IL10RA: variants seen among roughly 807,000 people sequenced by gnomAD.
IL10RA encodes the protein interleukin 10 receptor subunit alpha.
Under a neutral mutation model 29.6 loss-of-function variants are expected in IL10RA, and 18 were observed. The observed-to-expected ratio is 0.61, with a 90% confidence interval of 0.42 to 0.90. IL10RA has a LOEUF of 0.90. IL10RA is among the 40% of genes least tolerant of loss of function. The pLI is 0.00. For missense variants in IL10RA, 634 were observed against 716.6 expected (o/e 0.88, Z 1.32); for synonymous variants, 292 against 294.1 (o/e 0.99, Z 0.07).
Position 117,999,715 on chromosome 11 carries a change from G to A in IL10RA, c.*74G>A, listed in dbSNP as rs1004474297. The A allele has an allele frequency of 4.7e-5, 65 of 1,381,068 alleles. No individual in the cohort carries two copies. Among genetic ancestry groups the A allele is most frequent in the Non-Finnish European group, 6.1e-5 (60 of 977,080 alleles). The allele number at this position is 1,381,068 out of a possible 1,614,324, so 85.6% of individuals were successfully genotyped here. A position where few individuals can be genotyped will look rare whatever the true frequency, so the allele number is the denominator to read the frequency against. On this transcript the variant is annotated 3_prime_UTR_variant, in exon 7 of 7. Coordinates refer to ENST00000227752, the MANE Select transcript of IL10RA (RefSeq NM_001558.4). ...CTGGACCAGGAGGAGGGCCCCTGGG[G>A]CAGAAGTTAGGCACGAGGCAGTCTG...
In IL10RA at chr11:117,989,540, A is replaced by C. The variant is rs1591261622; in HGVS notation, c.287A>C (p.Tyr96Ser). Residue 96 changes from tyrosine to serine, a missense_variant, in exon 3 of 7, where the codon TAC (tyrosine) becomes TCC (serine). Coordinates refer to ENST00000227752, the MANE Select transcript of IL10RA (RefSeq NM_001558.4). This position sits in a 1 kb window ranked among gnomAD's most constrained non-coding sequence, Gnocchi z 4.5. Reference protein sequence around the residue: ...VTLDLYHSNGYRARVRAVDGS... With the variant: ...VTLDLYHSNGSRARVRAVDGS... ...TTGGACCTGTACCACAGCAATGGCT[A>C]CCGGGCCAGAGTGCGGGCTGTGGAC... 1 of 1,614,094 alleles carries C rather than the reference A, an allele frequency of 6.2e-7. No individual in the cohort carries two copies. Among genetic ancestry groups the C allele is most frequent in the South Asian group, 1.1e-5 (1 of 91,064 alleles).
chr11:117,988,300 C>A, intron 1 of IL10RA, 82 bp from the exon 2 acceptor site: 1 of 1,580,944 alleles, frequency 6.3e-7, no homozygotes, highest in Non-Finnish European at 8.7e-7. Flanking sequence ...CCTCTCTGAA[C>A]CTCCCTTTCT....
rs1206041721 is a variant in IL10RA at position 118,000,016 on chromosome 11, G to A, written c.*375G>A. The A allele has an allele frequency of 2.1e-6, 1 of 470,564 alleles. No homozygotes were observed. Among genetic ancestry groups the A allele is most frequent in the African/African-American group, 2.0e-5 (1 of 50,774 alleles). The allele number at this position is 470,564 out of a possible 1,614,324, so 29.1% of individuals were successfully genotyped here. ...GTTGTGGTGAGGCCACCAGGCTGAA[G>A]TCAGCTCAGACCCAGACCTCCCTGC... On this transcript the variant is annotated 3_prime_UTR_variant, in exon 7 of 7. Transcript: ENST00000227752.
chr11:117,987,192 G>A (rs2057992011), intron 1 of IL10RA: 1 of 283,604 alleles, frequency 3.5e-6, no homozygotes. Context: ...GAGACAGAGA[G>A]CAAGGACCGA....
rs1404349215 is a variant in IL10RA, at chr11:117,988,521, G to A, written c.188+19G>A. 3 of 1,613,262 alleles carry A rather than the reference G, an allele frequency of 1.9e-6. No individual in the cohort carries two copies. Among genetic ancestry groups the A allele is most frequent in the Non-Finnish European group, 2.5e-6 (3 of 1,179,236 alleles). ...TCCTGAGGTGAGGAAAAGGGAAGAG[G>A]GAGGGGGAGGGAGGAGTGAATCCCC... On this transcript the variant is annotated intron_variant, in intron 2 of 6. Transcript: ENST00000227752.
chr11:117,994,619 CG>C (rs2058044568), intron 5 of IL10RA, among the ~76,000 whole-genome samples: 1 of 152,126 alleles, frequency 6.6e-6, no homozygotes, highest in East Asian at 1.9e-4. Context: ...AGTCAGGTGC[CG>C]GGGCTGTAGG....
In IL10RA at chr11:117,999,420, C is replaced by T. The variant is rs1023227228; in HGVS notation, c.1516C>T (p.Leu506=). 1.2e-6 allele frequency: 2 copies of T among 1,614,246 alleles called. No individual in the cohort carries two copies. The highest frequency in any genetic ancestry group is 4.5e-5 in the East Asian group (2 of 44,888). The part of the protein sequence containing the change: ...YLKQDPLEMT[L]ASSGAPTGQW... ...GAAACAGGATCCTCTAGAAATGACT[C>T]TGGCTTCCTCAGGGGCCCCAACGGG... The change falls in exon 7 of 7, where the codon CTG becomes TTG. Residue 506 remains leucine, a synonymous_variant. Transcript: ENST00000227752.
At position 117,989,726 on chromosome 11, in the gene IL10RA, G is replaced by A. The variant is rs2058010178; in HGVS notation, c.367+106G>A. On this transcript the variant is annotated intron_variant, in intron 3 of 6. Coordinates refer to ENST00000227752, the MANE Select transcript of IL10RA (RefSeq NM_001558.4). The surrounding 1 kb of genome is among the most constrained non-coding windows in gnomAD (Gnocchi z 4.5). ...TTACCATAGCTCACCATGTCTGCCA[G>A]CCTCCCTGGCCGGAGAACTAGTTGC... The A allele has an allele frequency of 1.7e-6, 2 of 1,185,850 alleles. No homozygotes were observed. The highest frequency in any genetic ancestry group is 2.4e-6 in the Non-Finnish European group (2 of 822,440). 73.5% of individuals were successfully genotyped at this position (1,185,850 alleles called of 1,614,324 possible). A position where few individuals can be genotyped will look rare whatever the true frequency, so the allele number is the denominator to read the frequency against.
chr11:117,994,296 C>A, intron 5 of IL10RA, 147 bp downstream of exon 5: 1 of 658,418 alleles, frequency 1.5e-6, no homozygotes, highest in Non-Finnish European at 2.6e-6. Flanking sequence ...GAGAGAGGTC[C>A]TACTGTCCTC....
Position 117,999,959 on chromosome 11 carries a change from A to G in IL10RA, c.*318A>G, listed in dbSNP as rs1238020810. ...ACTCTTTCCTGTATCATAAAGGATT[A>G]TTTGCTCAGGGGAACCATGGGGCTT... On this transcript the variant is annotated 3_prime_UTR_variant, in exon 7 of 7. Coordinates refer to ENST00000227752, the MANE Select transcript of IL10RA (RefSeq NM_001558.4). The G allele has an allele frequency of 3.8e-6, 2 of 524,268 alleles. No individual in the cohort carries two copies. Among genetic ancestry groups the G allele is most frequent in the Non-Finnish European group, 7.3e-6 (2 of 272,920 alleles). 32.5% of individuals were successfully genotyped at this position (524,268 alleles called of 1,614,324 possible). A position where few individuals can be genotyped will look rare whatever the true frequency, so the allele number is the denominator to read the frequency against.
chr11:117,997,657 G>T (rs879371437), intron 6 of IL10RA, among the ~76,000 whole-genome samples: 21 of 152,232 alleles, frequency 1.4e-4, no homozygotes, highest in Non-Finnish European at 2.6e-4. Context: ...AGACAGGGTA[G>T]TAAACAACAC....
At position 117,999,461 on chromosome 11, in the gene IL10RA, C is replaced by T; in HGVS notation, c.1557C>T (p.Pro519=). 1 of 1,614,214 alleles carries T rather than the reference C, an allele frequency of 6.2e-7. No individual in the cohort carries two copies. The highest frequency in any genetic ancestry group is 8.5e-7 in the Non-Finnish European group (1 of 1,180,022). ...CCCCAACGGGACAGTGGAACCAGCCCACTGAGGAATGGTCACTCCTGGCCT... is the reference window on the plus strand; with the variant it reads ...CCCCAACGGGACAGTGGAACCAGCCTACTGAGGAATGGTCACTCCTGGCCT... ...SGAPTGQWNQ[P]TEEWSLLALS... is the part of the protein sequence containing the mutation. The change falls in exon 7 of 7, where the codon CCC becomes CCT. Residue 519 remains proline, a synonymous_variant. Transcript: ENST00000227752.
At chr11:117,997,824 T>C (rs936278580) in intron 6 of IL10RA, among the ~76,000 whole-genome samples, 1 of 151,726 alleles carries the variant, frequency 6.6e-6, no homozygotes, top group Non-Finnish European at 1.5e-5. Context: ...GTGGCAGGAG[T>C]ACTGCTTTAG....
intron 1 of IL10RA, chr11:117,988,106 C>A: frequency 2.0e-6 from 1 of 505,918 alleles, no homozygotes; most frequent in Non-Finnish European, 3.6e-6. Context: ...CCCTCGGCCC[C>A]TGCCTTCTTC....
At chr11:117,998,354 G>C (rs1414275334) in intron 6 of IL10RA, among the ~76,000 whole-genome samples, 1 of 152,152 alleles carries the variant, frequency 6.6e-6, no homozygotes, top group African/African-American at 2.4e-5. Context: ...TTCTGATTTT[G>C]AGTCATAGTC....
rs1050731187 is a variant in IL10RA at position 117,989,909 on chromosome 11, A to C, written c.367+289A>C. 6.6e-6 allele frequency among the ~76,000 whole-genome samples: 1 copy of C among 152,104 alleles called. No individual in the cohort carries two copies. The highest frequency in any genetic ancestry group is 2.4e-5 in the African/African-American group (1 of 41,408). On this transcript the variant is annotated intron_variant, in intron 3 of 6. Coordinates refer to ENST00000227752, the MANE Select transcript of IL10RA (RefSeq NM_001558.4). This position sits in a 1 kb window ranked among gnomAD's most constrained non-coding sequence, Gnocchi z 4.5. ...TCCAGGCCTGTGAACTTGTTTTTTC[A>C]GGGAGGGTTCAGGGAGAGGAAGCGA...
rs751278318 is a variant in IL10RA, at chr11:117,999,014, C to T, written c.1110C>T (p.Ser370=). 12 of 1,613,394 alleles carry T rather than the reference C, an allele frequency of 7.4e-6. No individual in the cohort carries two copies. Among genetic ancestry groups the T allele is most frequent in the East Asian group, 4.5e-5 (2 of 44,882 alleles). ...GTGGCAGCAGCAATAGCACAGACAG[C>T]GGGATCTGCCTGCAGGAGCCCAGCC... ...CSSGSSNSTD[S]GICLQEPSLS... Residue 370 remains serine (S), a synonymous_variant, in exon 7 of 7, where the codon AGC becomes AGT. Transcript: ENST00000227752.
intron 3 of IL10RA, among the ~76,000 whole-genome samples, chr11:117,992,759 A>G (rs1183304661): frequency 6.6e-6 from 1 of 152,174 alleles, no homozygotes; most frequent in Admixed American, 6.5e-5. Context: ...TATCCAAGAA[A>G]TCTTTGCCCA....
rs753892301 is a variant in IL10RA at position 117,999,278 on chromosome 11, C to A, written c.1374C>A (p.Thr458=). 6.2e-7 allele frequency: 1 copy of A among 1,614,234 alleles called. No individual in the cohort carries two copies. The highest frequency in any genetic ancestry group is 2.2e-5 in the East Asian group (1 of 44,882). ...CCAGATGTGCTGAAGAGAAGGCAAC[C>A]AAGACAGGCTGCCTGGAGGAAGAAT... is the stretch of plus-strand genomic sequence containing the variant. ...RQTRCAEEKA[T]KTGCLEEESP... Residue 458 remains threonine (T), a synonymous_variant, in exon 7 of 7, where the codon ACC becomes ACA. Transcript: ENST00000227752.
Sources: gnomAD v4.1 joint callset for allele counts (sites outside exome capture counted in the v4.1 genomes callset) on GRCh38, gnomAD v4.1.1 for gene constraint, Gnocchi (gnomAD v3.1) non-coding constraint, MANE v1.5 for transcripts, NCBI Gene and HGNC (gene_info 2026-07-23, HGNC 2026-07-21) for gene names.